Variants in ATXN2 observed in about 807,000 individuals in gnomAD.
ATXN2 encodes ataxin-2.
A neutral mutation model predicts 138.6 loss-of-function variants in ATXN2; 37 were observed. The observed-to-expected ratio is 0.27, with a 90% CI of 0.21 to 0.35. The LOEUF (loss-of-function observed/expected upper bound fraction) is 0.35, where lower values mean the gene tolerates loss of function less well. Ranked by LOEUF, ATXN2 falls within the 10% of genes least tolerant of loss-of-function variation. ATXN2 has a pLI of 1.00. For missense variants in ATXN2, 1,216 were observed against 1,480.3 expected, an observed-to-expected ratio of 0.82 and a Z score of 2.93; for synonymous variants, 549 against 543.7, an observed-to-expected ratio of 1.01 and a Z score of -0.13.
At chr12:111,591,178 C>T (rs1444148933) in intron 1 of ATXN2, among the ~76,000 whole-genome samples, 2 of 152,020 alleles carry the variant, frequency 1.3e-5, no homozygotes, top group Admixed American at 6.6e-5. Flanking sequence ...CGTGAGCCAC[C>T]GTGCCCGGCC....
At chr12:111,512,057 A>C (rs1592849544) in intron 11 of ATXN2, 1 of 150,756 alleles carries the variant, frequency 6.6e-6, no homozygotes, top group African/African-American at 2.4e-5. Flanking sequence ...TGCAACCTTC[A>C]CCTCCTGGGT....
At chr12:111,558,754 G>A (rs1592899651) in intron 1 of ATXN2, among the ~76,000 whole-genome samples, 2 of 152,108 alleles carry the variant, frequency 1.3e-5, no homozygotes, top group Admixed American at 6.6e-5. Context: ...CTGTGATTAT[G>A]CCACTGCACT....
intron 21 of ATXN2, among the ~76,000 whole-genome samples, chr12:111,462,975 TATACACACAC>T (rs1244930959): frequency 2.7e-5 from 4 of 145,684 alleles, no homozygotes; most frequent in East Asian, 2.9e-4. Flanking sequence ...TATATATATA[TATACACACAC>T]ACACACACAC....
chr12:111,580,521 A>G (rs1232583605), intron 1 of ATXN2, among the ~76,000 whole-genome samples: 1 of 151,090 alleles, frequency 6.6e-6, no homozygotes, highest in African/African-American at 2.4e-5. Context: ...AAGAAAAAAA[A>G]AAAAAAGATG....
chr12:111,545,144 G>A (rs750242182), intron 5 of ATXN2, among the ~76,000 whole-genome samples: 42 of 152,070 alleles, frequency 2.8e-4, no homozygotes, highest in Admixed American at 6.6e-4. Context: ...GGGCAAGAGC[G>A]AGACTCTGTC....
At chr12:111,515,690 A>G (rs1297085560) in intron 10 of ATXN2, among the ~76,000 whole-genome samples, 6 of 152,236 alleles carry the variant, frequency 3.9e-5, no homozygotes, top group African/African-American at 1.2e-4. Flanking sequence ...GCAGACACGC[A>G]AAGTCAGCTA....
intron 15 of ATXN2, among the ~76,000 whole-genome samples, chr12:111,488,140 A>G (rs529065881): frequency 6.6e-6 from 1 of 152,324 alleles, no homozygotes. Flanking sequence ...CAGCACAGTG[A>G]GGGTGACTAA....
chr12:111,453,379 CTGTCA>C lies in ATXN2; in HGVS notation c.3439+293_3439+297del. 2.6e-6 allele frequency: 3 copies of C among 1,156,154 alleles called. No homozygotes were observed. The highest frequency in any genetic ancestry group is 3.2e-6 in the Non-Finnish European group (3 of 938,740). The allele number at this position is 1,156,154 out of a possible 1,614,324, so 71.6% of individuals were successfully genotyped here. On this transcript the variant is annotated intron_variant, in intron 24 of 24. Coordinates refer to ENST00000673436, the MANE Select transcript of ATXN2 (RefSeq NM_001372574.1). The surrounding 1 kb of genome is among the most constrained non-coding windows in gnomAD (Gnocchi z 5.4). ...GAAGGAAAACACTGCCCTGTCCAGC[CTGTCA>C]TAACAAGGAAGGCCAACTGAGTCCT...
intron 1 of ATXN2, among the ~76,000 whole-genome samples, chr12:111,556,892 A>C (rs1882420015): frequency 6.6e-6 from 1 of 151,926 alleles, no homozygotes; most frequent in Non-Finnish European, 1.5e-5. Flanking sequence ...AAGCTAAATC[A>C]TTCAAAGCAC....
chr12:111,599,555 T>C (rs1293147425), upstream of ATXN2: 16 of 1,177,284 alleles, frequency 1.4e-5, no homozygotes, highest in Middle Eastern at 1.0e-3. Context: ...GGAGCGGAGG[T>C]GCGGATAGGG....
intron 1 of ATXN2, among the ~76,000 whole-genome samples, chr12:111,596,105 C>G (rs534752108): frequency 4.6e-5 from 7 of 151,852 alleles, no homozygotes; most frequent in Admixed American, 6.6e-5. Context: ...GAGGCTGAGG[C>G]TGGAGAATCA....
chr12:111,513,475 C>A lies in ATXN2; in HGVS notation c.1440G>T (p.Arg480Ser). 2 of 1,613,904 alleles carry A rather than the reference C, an allele frequency of 1.2e-6. No homozygotes were observed. Among genetic ancestry groups the A allele is most frequent in the Non-Finnish European group, 1.7e-6 (2 of 1,179,980 alleles). Residue 480 changes from arginine to serine, a missense_variant, in exon 11 of 25, where the codon AGG becomes AGT. Physicochemically the swap from Arg to Ser is moderately radical, Grantham distance 110. This residue lies in a region of ATXN2 where 215 missense variants were observed against 210.0 expected (regional missense o/e 1.02). Coordinates refer to ENST00000673436, the MANE Select transcript of ATXN2 (RefSeq NM_001372574.1). ...HPRNHRVSAG[R>S]GSISSGLEFV... is the part of the protein sequence containing the mutation. ...ATTCTAGGCCACTGGATATGGAACCCCTCCCAGCAGAAACTCTGTGATTTC... is the reference window on the plus strand; with the variant it reads ...ATTCTAGGCCACTGGATATGGAACCACTCCCAGCAGAAACTCTGTGATTTC...
At chr12:111,496,578 C>G in intron 14 of ATXN2, among the ~76,000 whole-genome samples, 1 of 151,758 alleles carries the variant, frequency 6.6e-6, no homozygotes, top group African/African-American at 2.4e-5. Flanking sequence ...CACTAGATAA[C>G]AAGAGGAACT....
Position 111,488,765 on chromosome 12 carries a change from T to G in ATXN2, c.1951A>C (p.Thr651Pro). 1 of 1,606,242 alleles carries G rather than the reference T, an allele frequency of 6.2e-7. No individual in the cohort carries two copies. The highest frequency in any genetic ancestry group is 1.3e-5 in the African/African-American group (1 of 74,926). ...AGTAGTTGATCCATAGATTCAGAAGTAGAACTTGGCTGTAACTAAATAAAG... is the reference window on the plus strand; with the variant it reads ...AGTAGTTGATCCATAGATTCAGAAGGAGAACTTGGCTGTAACTAAATAAAG... ...KNDFRLQPSS[T>P]SESMDQLLNK... is the part of the protein sequence containing the mutation. Residue 651 changes from threonine to proline, a missense_variant, in exon 15 of 25, where the codon ACT (threonine) becomes CCT (proline). Physicochemically the swap from Thr to Pro is conservative, Grantham distance 38. Around this residue, in one of 4 missense-constraint regions of ATXN2, gnomAD observed 215 missense variants for 210.0 expected, o/e 1.02. Coordinates refer to ENST00000673436, the MANE Select transcript of ATXN2 (RefSeq NM_001372574.1).
At chr12:111,472,672 G>A (rs569190732) in intron 18 of ATXN2, among the ~76,000 whole-genome samples, 6 of 152,260 alleles carry the variant, frequency 3.9e-5, no homozygotes, top group East Asian at 1.9e-4. Flanking sequence ...GGGTTCAAGC[G>A]ATTCTCCTAC....
intron 20 of ATXN2, 123 bp downstream of exon 20, chr12:111,469,985 C>T: frequency 2.5e-6 from 3 of 1,183,470 alleles, no homozygotes; most frequent in Non-Finnish European, 3.4e-6. Flanking sequence ...TTCATCTTTT[C>T]CTTCAGATTC....
chr12:111,502,759 A>G (rs1328213893), intron 14 of ATXN2, among the ~76,000 whole-genome samples: 1 of 152,204 alleles, frequency 6.6e-6, no homozygotes. Flanking sequence ...GTGACTCCAC[A>G]TGAAATGGTA....
chr12:111,578,590 T>C (rs1883815097), intron 1 of ATXN2, among the ~76,000 whole-genome samples: 1 of 152,170 alleles, frequency 6.6e-6, no homozygotes, highest in Admixed American at 6.5e-5. Flanking sequence ...ACTCTATATT[T>C]GTACAATGAT....
chr12:111,483,459 T>G lies in ATXN2; in HGVS notation c.2524+1806A>C, dbSNP rs529243965. Among the ~76,000 whole-genome samples, 451 of 135,894 alleles carry G rather than the reference T, an allele frequency of 3.3e-3. 4 individuals are homozygous for G. Among genetic ancestry groups the G allele is most frequent in the Middle Eastern group, 0.021 (6 of 290 alleles). 89.2% of individuals were successfully genotyped at this position (135,894 alleles called of 152,430 possible). A position where few individuals can be genotyped will look rare whatever the true frequency, so the allele number is the denominator to read the frequency against. ...TCCAACATTAAAAGAACTCTTTTTT[T>G]TTTTTTTTTTTTTTGGACGGAGTCT... On this transcript the variant is annotated intron_variant, in intron 18 of 24. Transcript: ENST00000673436.
Sources: gnomAD v4.1 joint callset for allele counts (sites outside exome capture counted in the v4.1 genomes callset) on GRCh38, gnomAD v4.1.1 for gene constraint, gnomAD v4.1.1 regional missense constraint, Gnocchi (gnomAD v3.1) non-coding constraint, MANE v1.5 for transcripts, NCBI Gene and HGNC (gene_info 2026-07-23, HGNC 2026-07-21) for gene names.